Variants in FBXO16 observed in about 807,000 individuals in gnomAD.
FBXO16 encodes the protein F-box protein 16.
In FBXO16, 31 loss-of-function variants were observed where a neutral mutation model predicts 41.0. The ratio of observed to expected loss-of-function variants is 0.76; its 90% confidence interval spans 0.57 to 1.02. FBXO16 has a LOEUF of 1.02. FBXO16 is among the 50% of genes least tolerant of loss of function. FBXO16 has a pLI of 0.00. For synonymous variants in FBXO16, 133 were observed against 117.8 expected (o/e 1.13, Z -0.84); for missense variants, 361 against 346.2 (o/e 1.04, Z -0.34).
chr8:28,448,340 CAAAA>C (rs56323338), intron 6 of FBXO16, among the ~76,000 whole-genome samples: 6 of 49,910 alleles, frequency 1.2e-4, no homozygotes, highest in Non-Finnish European at 2.1e-4. Context: ...GACCCTAAAT[CAAAA>C]AAAAAAAAAA....
At chr8:28,454,511 G>A (rs1284829411) in intron 5 of FBXO16, among the ~76,000 whole-genome samples, 4 of 151,368 alleles carry the variant, frequency 2.6e-5, no homozygotes, top group African/African-American at 7.3e-5. Context: ...GGCGGATCAC[G>A]AGGTCAGAAG....
intron 2 of FBXO16, among the ~76,000 whole-genome samples, chr8:28,480,553 G>T (rs982187978): frequency 6.6e-6 from 1 of 151,110 alleles, no homozygotes; most frequent in African/African-American, 2.4e-5. Flanking sequence ...CCCAGGCACT[G>T]AGTGTAGTGG....
At position 28,447,204 on chromosome 8, in the gene FBXO16, C is replaced by T. The variant is rs1802877790; in HGVS notation, c.810G>A (p.Gln270=). Residue 270 remains glutamine (Q), a synonymous_variant, in exon 7 of 9, where the codon CAG becomes CAA. Coordinates refer to ENST00000380254, the MANE Select transcript of FBXO16 (RefSeq NM_172366.4). ...GTGCTTTTCTTAGCCTAGTTCTGTC[C>T]TGCAATTTATTTTTCTTATCATGTG... ...RQSHDKKNKL[Q]DRTRLRKAQS... is the part of the protein sequence containing the mutation. 6.2e-7 allele frequency: 1 copy of T among 1,613,856 alleles called. No homozygotes were observed. The highest frequency in any genetic ancestry group is 8.5e-7 in the Non-Finnish European group (1 of 1,179,974).
At chr8:28,450,015 C>T (rs62502418) in intron 6 of FBXO16, among the ~76,000 whole-genome samples, 62,331 of 147,236 alleles carry the variant, frequency 0.42, 13,795 homozygotes, top group East Asian at 0.55. Context: ...TTTGCATAAA[C>T]GTCCCAAAAG....
chr8:28,450,621 G>A lies in FBXO16; in HGVS notation c.740+1623C>T, dbSNP rs116694707. ...CTGTCACCAACCTGACTCCAGCTCA[G>A]TCTCTCTGGCTTGCTCCATTCCCAG... On this transcript the variant is annotated intron_variant, in intron 6 of 8. Coordinates refer to ENST00000380254, the MANE Select transcript of FBXO16 (RefSeq NM_172366.4). 7.0e-3 allele frequency among the ~76,000 whole-genome samples: 1,067 copies of A among 152,288 alleles called. 16 individuals are homozygous for A. The highest frequency in any genetic ancestry group is 0.024 in the African/African-American group (995 of 41,562).
At position 28,445,750 on chromosome 8, in the gene FBXO16, T is replaced by C. The variant is rs570778016; in HGVS notation, c.843+1421A>G. Reference sequence around the variant, plus strand: ...AAAGAAGCTCATCTCTCTCTCTCTTTCTTTTTTCTTTTTTTTGCAACATAA... The same window carrying C: ...AAAGAAGCTCATCTCTCTCTCTCTTCCTTTTTTCTTTTTTTTGCAACATAA... On this transcript the variant is annotated intron_variant, in intron 7 of 8. Coordinates refer to ENST00000380254, the MANE Select transcript of FBXO16 (RefSeq NM_172366.4). Among the ~76,000 whole-genome samples the C allele has an allele frequency of 5.3e-5, 8 of 152,218 alleles. 1 individual carries two copies. The East Asian group carries it at 7.7e-4, about 15-fold the overall frequency.
chr8:28,449,476 C>T (rs1462083015), intron 6 of FBXO16, among the ~76,000 whole-genome samples: 1 of 151,940 alleles, frequency 6.6e-6, no homozygotes, highest in African/African-American at 2.4e-5. Flanking sequence ...CATGCAACAT[C>T]ACATTTGGCT....
At chr8:28,437,391 T>C (rs1017379338) in intron 7 of FBXO16, among the ~76,000 whole-genome samples, 1 of 152,202 alleles carries the variant, frequency 6.6e-6, no homozygotes, top group African/African-American at 2.4e-5. Context: ...AGACTCCAAG[T>C]AGCGGGCTCA....
At position 28,456,896 on chromosome 8, in the gene FBXO16, T is replaced by C; in HGVS notation, c.377A>G (p.Asp126Gly). ...CWHWKNLAEL[D>G]QLWMLKCLRF... The stretch of plus-strand genomic sequence containing the variant: ...TAAACATTTCAGCATCCAGAGCTGG[T>C]CCAGCTCAGCAAGGTTCTTCCAATG... The change falls in exon 5 of 9, where the codon GAC becomes GGC. Residue 126 changes from aspartate to glycine, a missense_variant. Transcript: ENST00000380254. The C allele has an allele frequency of 6.2e-7, 1 of 1,614,022 alleles. No individual in the cohort carries two copies. Among genetic ancestry groups the C allele is most frequent in the South Asian group, 1.1e-5 (1 of 91,014 alleles).
At chr8:28,447,499 T>C in intron 6 of FBXO16, 1 of 484,788 alleles carries the variant, frequency 2.1e-6, no homozygotes, top group Admixed American at 3.3e-5. Context: ...AGGATGTTTC[T>C]ATATTCAACT....
intron 3 of FBXO16, among the ~76,000 whole-genome samples, chr8:28,469,501 T>C (rs1186772075): frequency 6.6e-6 from 1 of 152,132 alleles, no homozygotes; most frequent in Non-Finnish European, 1.5e-5. Context: ...CCTGGAAGAT[T>C]GTCATGCATT....
chr8:28,467,877 T>C (rs1803270618), intron 3 of FBXO16, among the ~76,000 whole-genome samples: 1 of 152,220 alleles, frequency 6.6e-6, no homozygotes, highest in South Asian at 2.1e-4. Flanking sequence ...TTTGTTTGGC[T>C]TTGATAGGTG....
intron 7 of FBXO16, among the ~76,000 whole-genome samples, chr8:28,445,772 A>T (rs1585897032): frequency 6.6e-6 from 1 of 152,134 alleles, no homozygotes; most frequent in Non-Finnish European, 1.5e-5. Context: ...TTTTTGCAAC[A>T]TAACACTTGA....
chr8:28,436,448 C>A (rs1048620433), intron 7 of FBXO16, among the ~76,000 whole-genome samples: 1 of 152,156 alleles, frequency 6.6e-6, no homozygotes, highest in Non-Finnish European at 1.5e-5. Flanking sequence ...ACAGGCCTGG[C>A]TTTGTGTTTG....
At chr8:28,441,684 C>A (rs1802777773) in intron 7 of FBXO16, among the ~76,000 whole-genome samples, 2 of 145,596 alleles carry the variant, frequency 1.4e-5, no homozygotes, top group Non-Finnish European at 3.0e-5. Context: ...TGCAGTGAGC[C>A]GAGATCGCGC....
Position 28,428,700 on chromosome 8 carries a change from C to T in FBXO16, c.*27G>A, listed in dbSNP as rs375928420. On this transcript the variant is annotated 3_prime_UTR_variant, in exon 9 of 9. Transcript: ENST00000380254. ...TCAGGGGGAGGCCAGGCGAGATGAG[C>T]TGGAACTTTTAGGGGAGAGCTGGCA... 1.3e-6 allele frequency: 2 copies of T among 1,573,786 alleles called. No homozygotes were observed.
At chr8:28,458,666 C>T (rs1232951126) in intron 4 of FBXO16, among the ~76,000 whole-genome samples, 1 of 151,072 alleles carries the variant, frequency 6.6e-6, no homozygotes. Context: ...GATTCTCCTG[C>T]CTCAGCCTCC....
intron 3 of FBXO16, among the ~76,000 whole-genome samples, chr8:28,470,711 T>C (rs138225469): frequency 0.012 from 1,869 of 152,358 alleles, 16 homozygotes; most frequent in South Asian, 0.022. Context: ...AAATTGAGCA[T>C]ATTTTATATG....
intron 3 of FBXO16, among the ~76,000 whole-genome samples, chr8:28,470,431 C>G (rs1375893646): frequency 6.6e-6 from 1 of 152,096 alleles, no homozygotes; most frequent in South Asian, 2.1e-4. Context: ...CTTTTTCATG[C>G]CTTTTCATGT....
Sources: allele counts gnomAD v4.1 joint callset (sites outside exome capture counted in the v4.1 genomes callset), GRCh38; gene constraint gnomAD v4.1.1; transcripts MANE v1.5; gene names NCBI Gene and HGNC (gene_info 2026-07-23, HGNC 2026-07-21).